STX6: variants seen among roughly 807,000 people sequenced by gnomAD.
STX6 encodes syntaxin-6.
STX6 carries 23 observed loss-of-function variants against 38.0 expected under a neutral mutation model. The ratio of observed to expected loss-of-function variants is 0.60; its 90% CI spans 0.43 to 0.86. STX6 has a LOEUF of 0.86. Ranked by LOEUF, STX6 falls within the 40% of genes least tolerant of loss-of-function variation. The pLI is 0.00. For missense variants in STX6, 274 were observed against 312.9 expected, an observed-to-expected ratio of 0.88 and a Z score of 0.94; for synonymous variants, 123 against 107.5, an observed-to-expected ratio of 1.14 and a Z score of -0.89.
chr1:181,003,504 T>C (rs1656142465), intron 2 of STX6, among the ~76,000 whole-genome samples: 5 of 152,222 alleles, frequency 3.3e-5, no homozygotes, highest in Admixed American at 3.3e-4. Flanking sequence ...TCCCTGTAAC[T>C]GTGCTTTTGA....
At chr1:181,001,030 G>T (rs890767420) in intron 3 of STX6, among the ~76,000 whole-genome samples, 2 of 152,170 alleles carry the variant, frequency 1.3e-5, no homozygotes, top group African/African-American at 4.8e-5. Flanking sequence ...TGTGGATGGG[G>T]CATCTGAGGT....
chr1:181,009,470 CAAAAAAA>C (rs34469966), intron 1 of STX6, among the ~76,000 whole-genome samples: 1 of 105,434 alleles, frequency 9.5e-6, no homozygotes, highest in African/African-American at 3.7e-5. Flanking sequence ...CTGTTGTTTC[CAAAAAAA>C]AAAAAAAAAA....
Position 181,012,290 on chromosome 1 carries a change from C to T in STX6, c.36-6827G>A, listed in dbSNP as rs116482215. ...TTTTCAAATCCTTGAAAGAGAAAGA[C>T]GGCTATCTCCACACATCAAGCAAAT... On this transcript the variant is annotated intron_variant, in intron 1 of 7. Transcript: ENST00000258301. Among the ~76,000 whole-genome samples the T allele has an allele frequency of 6.3e-3, 965 of 152,294 alleles. 15 individuals carry two copies. The highest frequency in any genetic ancestry group is 0.022 in the African/African-American group (925 of 41,550).
rs750974208 is a variant in STX6, at chr1:180,974,910, C to T, written c.*1660G>A. On this transcript the variant is annotated 3_prime_UTR_variant, in exon 8 of 8. Coordinates refer to ENST00000258301, the MANE Select transcript of STX6 (RefSeq NM_005819.6). ...TAAATTTGCTTTTAGCTTTCATCAA[C>T]AGGCATATTTTCTTAACCTACCATG... is the stretch of plus-strand genomic sequence containing the variant. The T allele has an allele frequency of 2.2e-4, 34 of 152,590 alleles. No individual in the cohort carries two copies. Among genetic ancestry groups the T allele is most frequent in the Non-Finnish European group, 4.4e-4 (30 of 68,042 alleles). 9.5% of individuals were successfully genotyped at this position (152,590 alleles called of 1,614,324 possible). A position where few individuals can be genotyped will look rare whatever the true frequency, so the allele number is the denominator to read the frequency against.
chr1:181,009,470 C>CAAA (rs34469966), intron 1 of STX6, among the ~76,000 whole-genome samples: 3 of 105,426 alleles, frequency 2.8e-5, no homozygotes, highest in South Asian at 2.9e-4. Flanking sequence ...CTGTTGTTTC[C>CAAA]AAAAAAAAAA....
intron 1 of STX6, among the ~76,000 whole-genome samples, chr1:181,011,311 C>T (rs771506207): frequency 6.6e-6 from 1 of 152,164 alleles, no homozygotes; most frequent in Non-Finnish European, 1.5e-5. Flanking sequence ...ATCAGGGAAT[C>T]CCATCTCAAT....
chr1:180,986,890 C>T (rs1655604367), intron 6 of STX6, among the ~76,000 whole-genome samples: 1 of 152,162 alleles, frequency 6.6e-6, no homozygotes, highest in Admixed American at 6.5e-5. Flanking sequence ...GTCCTTTCCC[C>T]TCCTCAAACT....
At chr1:181,006,500 G>A (rs1656227981) in intron 1 of STX6, among the ~76,000 whole-genome samples, 2 of 151,464 alleles carry the variant, frequency 1.3e-5, no homozygotes, top group South Asian at 4.2e-4. Context: ...CTATTTAAAT[G>A]TTATAATCTA....
chr1:180,980,941 G>A (rs1655396637), intron 7 of STX6, among the ~76,000 whole-genome samples: 1 of 152,164 alleles, frequency 6.6e-6, no homozygotes, highest in Non-Finnish European at 1.5e-5. Flanking sequence ...AAGGATCTGT[G>A]ATATATGATT....
At chr1:180,986,296 A>C (rs1196954473) in intron 6 of STX6, among the ~76,000 whole-genome samples, 1 of 148,596 alleles carries the variant, frequency 6.7e-6, no homozygotes, top group East Asian at 2.0e-4. Context: ...AGGTGAAATT[A>C]ATTCTGTTGT....
chr1:180,984,140 C>T (rs1419292115), intron 7 of STX6, among the ~76,000 whole-genome samples: 2 of 139,986 alleles, frequency 1.4e-5, no homozygotes, highest in Non-Finnish European at 3.1e-5. Flanking sequence ...GGTGGGGGAT[C>T]ACAAAGCCTT....
chr1:181,020,402 T>A (rs896678522), intron 1 of STX6, among the ~76,000 whole-genome samples: 2 of 152,208 alleles, frequency 1.3e-5, no homozygotes, highest in Non-Finnish European at 2.9e-5. Flanking sequence ...TATTAGAGAT[T>A]ACATTAGAAT....
intron 3 of STX6, among the ~76,000 whole-genome samples, chr1:180,994,129 T>G (rs1054698237): frequency 1.3e-5 from 2 of 152,260 alleles, no homozygotes; most frequent in African/African-American, 4.8e-5. Context: ...TTATTAAATA[T>G]GAGTCATTCT....
chr1:180,989,065 A>C (rs963040114), intron 5 of STX6: 1 of 152,188 alleles, frequency 6.6e-6, no homozygotes, highest in Non-Finnish European at 1.5e-5. Context: ...TGCTCCTCAA[A>C]TCCCCAGACA....
chr1:180,986,774 G>A (rs142694338), intron 6 of STX6, among the ~76,000 whole-genome samples: 1 of 152,314 alleles, frequency 6.6e-6, no homozygotes, highest in African/African-American at 2.4e-5. Flanking sequence ...GAGAGGGAGT[G>A]GAGGTAGGGG....
At chr1:180,997,371 T>C (rs1232258958) in intron 3 of STX6, among the ~76,000 whole-genome samples, 4 of 152,350 alleles carry the variant, frequency 2.6e-5, no homozygotes, top group East Asian at 1.9e-4. Context: ...CTTTAATTAA[T>C]TGATACTCAG....
At chr1:181,001,072 G>T (rs1408849077) in intron 3 of STX6, among the ~76,000 whole-genome samples, 1 of 152,104 alleles carries the variant, frequency 6.6e-6, no homozygotes, top group African/African-American at 2.4e-5. Context: ...TAAAATGTGG[G>T]TTTATCTATA....
At position 181,009,453 on chromosome 1, in the gene STX6, A is replaced by G. The variant is rs552917716; in HGVS notation, c.36-3990T>C. ...CATTGCACTCCAATCTGGGTGACAG[A>G]GCAAGACTGTTGTTTCCAAAAAAAA... On this transcript the variant is annotated intron_variant, in intron 1 of 7. Transcript: ENST00000258301. 3.4e-5 allele frequency among the ~76,000 whole-genome samples: 5 copies of G among 145,994 alleles called. No individual in the cohort carries two copies. In the South Asian group the frequency reaches 6.8e-4, roughly 20 times the overall value.
chr1:180,996,647 A>G (rs1571338807), intron 3 of STX6, among the ~76,000 whole-genome samples: 1 of 151,804 alleles, frequency 6.6e-6, no homozygotes, highest in African/African-American at 2.4e-5. Flanking sequence ...ATCACAGCTC[A>G]CTGCAGCCTC....
Sources: gnomAD v4.1 joint callset for allele counts (sites outside exome capture counted in the v4.1 genomes callset) on GRCh38, gnomAD v4.1.1 for gene constraint, MANE v1.5 for transcripts, NCBI Gene and HGNC (gene_info 2026-07-23, HGNC 2026-07-21) for gene names.